The following DACH2 variants were observed in gnomAD, a reference collection of about 807,000 sequenced individuals.
DACH2 encodes the protein dachshund family transcription factor 2.
In DACH2, 17 loss-of-function variants were observed where a neutral mutation model predicts 35.8. That is an observed-to-expected ratio of 0.48 (90% CI 0.33 to 0.71). The LOEUF (loss-of-function observed/expected upper bound fraction) is 0.71, where lower values mean the gene tolerates loss of function less well. Ranked by LOEUF, DACH2 falls within the 30% of genes least tolerant of loss-of-function variation. The pLI is 0.02. For synonymous variants in DACH2, 195 were observed against 177.3 expected (o/e 1.10, Z -0.79); for missense variants, 469 against 472.7 (o/e 0.99, Z 0.07).
At position 86,225,419 on chromosome X, in the gene DACH2, T is replaced by C. The variant is rs73514034; in HGVS notation, c.488+76311T>C. On this transcript the variant is annotated intron_variant, in intron 1 of 11. Transcript: ENST00000373125. ...TGTATTTCAAATTTATCCTGGGAAT[T>C]ACCTAGTTTTAGAATTTACCAAAGA... Among the ~76,000 whole-genome samples the C allele has an allele frequency of 5.5e-3, 613 of 111,409 alleles. 4 individuals are homozygous for C. Among genetic ancestry groups the C allele is most frequent in the African/African-American group, 0.019 (598 of 30,771 alleles).
At chrX:86,300,502 G>A (rs1341460627) in intron 1 of DACH2, among the ~76,000 whole-genome samples, 3 of 106,752 alleles carry the variant, frequency 2.8e-5, no homozygotes, top group Non-Finnish European at 5.8e-5. Flanking sequence ...GACACAGGAA[G>A]GGGAACATCA....
At chrX:86,468,168 T>G (rs2037704274) in intron 2 of DACH2, among the ~76,000 whole-genome samples, 1 of 111,957 alleles carries the variant, frequency 8.9e-6, no homozygotes, top group African/African-American at 3.2e-5. Context: ...AAATATATAG[T>G]AAATGTTGAA....
At chrX:86,249,252 C>G (rs149042647) in intron 1 of DACH2, among the ~76,000 whole-genome samples, 2 of 111,225 alleles carry the variant, frequency 1.8e-5, no homozygotes, top group Non-Finnish European at 3.8e-5. Context: ...AAACTATTAA[C>G]AGAGTAAACA....
At chrX:86,599,318 C>CTTCT (rs1256389980) in intron 3 of DACH2, among the ~76,000 whole-genome samples, 1 of 110,878 alleles carries the variant, frequency 9.0e-6, no homozygotes, top group Non-Finnish European at 1.9e-5. Context: ...TGCCTCTTTT[C>CTTCT]TTCTTTCTTT....
At chrX:86,666,290 G>T (rs2040667782) in intron 4 of DACH2, among the ~76,000 whole-genome samples, 1 of 76,585 alleles carries the variant, frequency 1.3e-5, no homozygotes, top group Non-Finnish European at 2.5e-5. Context: ...TTTTTGGAGT[G>T]GGATGTGTGT....
At chrX:86,450,084 A>C (rs2037345230) in intron 2 of DACH2, among the ~76,000 whole-genome samples, 1 of 110,951 alleles carries the variant, frequency 9.0e-6, no homozygotes, top group African/African-American at 3.3e-5. Flanking sequence ...TTTTATTTTA[A>C]GTTCTGGGGT....
At chrX:86,750,243 T>G (rs2041758695) in intron 7 of DACH2, among the ~76,000 whole-genome samples, 1 of 111,407 alleles carries the variant, frequency 9.0e-6, no homozygotes, top group Admixed American at 9.6e-5. Context: ...ATAGATGTCT[T>G]TTATCAGATT....
At chrX:86,264,347 C>T (rs974622860) in intron 1 of DACH2, among the ~76,000 whole-genome samples, 3 of 111,775 alleles carry the variant, frequency 2.7e-5, no homozygotes, top group Admixed American at 9.6e-5. Flanking sequence ...TCTTTTCTGG[C>T]GGCTGTCAGA....
At chrX:86,259,954 A>AT (rs973816048) in intron 1 of DACH2, among the ~76,000 whole-genome samples, 16 of 109,501 alleles carry the variant, frequency 1.5e-4, no homozygotes, top group African/African-American at 3.3e-4. Flanking sequence ...CTTACTGCTT[A>AT]TTTTTTTTTA....
At chrX:86,762,079 T>A (rs1416627675) in intron 7 of DACH2, among the ~76,000 whole-genome samples, 2 of 111,685 alleles carry the variant, frequency 1.8e-5, no homozygotes, top group East Asian at 5.6e-4. Context: ...GTCAGCCATC[T>A]TGAAGCCTTT....
chrX:86,445,337 A>G (rs1190882172), intron 2 of DACH2, among the ~76,000 whole-genome samples: 1 of 62,418 alleles, frequency 1.6e-5, no homozygotes, highest in Non-Finnish European at 2.7e-5. Context: ...GAAGGGGAAT[A>G]TCACACTCTG....
chrX:86,505,551 C>G (rs962968108), intron 2 of DACH2, among the ~76,000 whole-genome samples: 2 of 111,898 alleles, frequency 1.8e-5, no homozygotes, highest in African/African-American at 6.5e-5. Flanking sequence ...CTTATTGTGA[C>G]TTCACTATTT....
intron 4 of DACH2, among the ~76,000 whole-genome samples, chrX:86,665,650 A>C (rs2148418454): frequency 8.9e-6 from 1 of 112,020 alleles, no homozygotes; most frequent in African/African-American, 3.2e-5. Context: ...AATCACGATT[A>C]ATGGCATAGA....
At chrX:86,819,286 G>A (rs2042484886) in intron 11 of DACH2, among the ~76,000 whole-genome samples, 3 of 110,302 alleles carry the variant, frequency 2.7e-5, no homozygotes, top group African/African-American at 9.9e-5. Context: ...AGAGATGAAG[G>A]ATTTGGTGGA....
At chrX:86,248,980 G>A (rs1048299719) in intron 1 of DACH2, among the ~76,000 whole-genome samples, 33 of 111,524 alleles carry the variant, frequency 3.0e-4, no homozygotes, top group Non-Finnish European at 5.7e-5. Flanking sequence ...AATAAATAGT[G>A]TTGGGATAAC....
chrX:86,596,048 C>T (rs2039707393), intron 3 of DACH2, among the ~76,000 whole-genome samples: 1 of 111,555 alleles, frequency 9.0e-6, no homozygotes, highest in South Asian at 3.6e-4. Context: ...TTTCATATAA[C>T]ATAATGTTTT....
At chrX:86,803,787 T>C (rs1170980322) in intron 7 of DACH2, among the ~76,000 whole-genome samples, 1 of 110,736 alleles carries the variant, frequency 9.0e-6, no homozygotes, top group African/African-American at 3.3e-5. Flanking sequence ...TTATATTATA[T>C]TGTATATTAA....
At chrX:86,197,911 A>T (rs1016060540) in intron 1 of DACH2, among the ~76,000 whole-genome samples, 1 of 112,066 alleles carries the variant, frequency 8.9e-6, no homozygotes. Flanking sequence ...AATCAAGTGG[A>T]TCTGGTAGAT....
Position 86,169,423 on chromosome X carries a change from G to A in DACH2, c.488+20315G>A, listed in dbSNP as rs193122739. On this transcript the variant is annotated intron_variant, in intron 1 of 11. Transcript: ENST00000373125. Reference sequence around the variant, plus strand: ...TATAACATTCTTGTACTTGTATATTGATATCTTTCTCTAGGTTTGAGACAT... The same window carrying A: ...TATAACATTCTTGTACTTGTATATTAATATCTTTCTCTAGGTTTGAGACAT... Among the ~76,000 whole-genome samples, 5 of 111,013 alleles carry A rather than the reference G, an allele frequency of 4.5e-5. No individual in the cohort carries two copies. In the East Asian group the frequency reaches 1.4e-3, roughly 32 times the overall value.
Sources: gnomAD v4.1 joint callset for allele counts (sites outside exome capture counted in the v4.1 genomes callset) on GRCh38, gnomAD v4.1.1 for gene constraint, MANE v1.5 for transcripts, NCBI Gene and HGNC (gene_info 2026-07-23, HGNC 2026-07-21) for gene names.